FANCI: variants seen among roughly 807,000 people sequenced by gnomAD.
FANCI encodes the protein FA complementation group I, also known as Fanconi anemia group I protein.
In FANCI, 156 loss-of-function variants were observed where a neutral mutation model predicts 176.1. That is an observed-to-expected ratio of 0.89 (90% CI 0.78 to 1.01). The LOEUF (loss-of-function observed/expected upper bound fraction) is 1.01. FANCI is among the 50% of genes least tolerant of loss of function. The pLI, the probability that FANCI is intolerant of heterozygous loss-of-function variation, is 0.00. For missense variants in FANCI, 1,678 were observed against 1,534.1 expected, an observed-to-expected ratio of 1.09 and a Z score of -1.57; for synonymous variants, 613 against 541.7, an observed-to-expected ratio of 1.13 and a Z score of -1.83.
At chr15:89,286,567 G>A (rs1432492218) in intron 18 of FANCI, among the ~76,000 whole-genome samples, 1 of 151,840 alleles carries the variant, frequency 6.6e-6, no homozygotes, top group East Asian at 1.9e-4. Context: ...TTTTTTTTCT[G>A]AGCAGTAGGT....
At chr15:89,249,347 G>T (rs1344398940) in intron 2 of FANCI, among the ~76,000 whole-genome samples, 1 of 152,158 alleles carries the variant, frequency 6.6e-6, no homozygotes, top group Non-Finnish European at 1.5e-5. Flanking sequence ...ACTTAATACA[G>T]TATTTAACTT....
At position 89,316,951 on chromosome 15, in the gene FANCI, G is replaced by A. The variant is rs186201462; in HGVS notation, c.*492G>A. On this transcript the variant is annotated 3_prime_UTR_variant, in exon 38 of 38. Coordinates refer to ENST00000310775, the MANE Select transcript of FANCI (RefSeq NM_001113378.2). ...GTGAAAGGTTGAGAACAATTGCCAC[G>A]AACGGTAATGTTACATGTTAGGAGG... The A allele has an allele frequency of 3.9e-5, 29 of 752,978 alleles. No homozygotes were observed. The highest frequency in any genetic ancestry group is 1.5e-4 in the Admixed American group (8 of 52,056). The allele number at this position is 752,978 out of a possible 1,614,324, so 46.6% of individuals were successfully genotyped here.
At chr15:89,280,142 C>G (rs2053561845) in intron 14 of FANCI, among the ~76,000 whole-genome samples, 1 of 152,192 alleles carries the variant, frequency 6.6e-6, no homozygotes. Context: ...CTGCCTCAGC[C>G]TTGAGAGTAG....
chr15:89,274,849 C>T (rs2053348312), intron 12 of FANCI, among the ~76,000 whole-genome samples: 2 of 151,966 alleles, frequency 1.3e-5, no homozygotes, highest in East Asian at 1.9e-4. Context: ...AAGCAATCCA[C>T]CTGCCTTGGC....
chr15:89,286,282 C>T lies in FANCI; in HGVS notation c.1821+1064C>T, dbSNP rs77046751. Among the ~76,000 whole-genome samples, 669 of 152,286 alleles carry T rather than the reference C, an allele frequency of 4.4e-3. 9 individuals carry two copies. Among genetic ancestry groups the T allele is most frequent in the African/African-American group, 0.015 (639 of 41,556 alleles). On this transcript the variant is annotated intron_variant, in intron 18 of 37. Coordinates refer to ENST00000310775, the MANE Select transcript of FANCI (RefSeq NM_001113378.2). ...TATTGGGATTACAGGCGTGAGCCAC[C>T]ATGCCTGGCCTAACTTAGTTTTTAT...
At chr15:89,247,570 C>A in intron 1 of FANCI, 59 bp from the exon 2 acceptor site, 1 of 1,236,636 alleles carries the variant, frequency 8.1e-7, no homozygotes, top group Non-Finnish European at 1.2e-6. Context: ...GGAAGGAAAA[C>A]AAATCAAGTT....
chr15:89,248,102 G>C (rs541225729), intron 2 of FANCI, among the ~76,000 whole-genome samples: 2 of 152,090 alleles, frequency 1.3e-5, no homozygotes, highest in Non-Finnish European at 2.9e-5. Context: ...ATGCTTCTCT[G>C]TATTTTTCCG....
chr15:89,254,205 A>G (rs967188297), intron 2 of FANCI, among the ~76,000 whole-genome samples: 1 of 152,134 alleles, frequency 6.6e-6, no homozygotes, highest in Non-Finnish European at 1.5e-5. Context: ...AAAAAAATAA[A>G]TAAATAAATT....
At chr15:89,294,440 C>T (rs1405059324) in intron 23 of FANCI, among the ~76,000 whole-genome samples, 1 of 152,052 alleles carries the variant, frequency 6.6e-6, no homozygotes, top group Non-Finnish European at 1.5e-5. Flanking sequence ...ACAAAATTAG[C>T]CGGGCATGGT....
Position 89,278,714 on chromosome 15 carries a change from T to C in FANCI, c.1321T>C (p.Leu441=), listed in dbSNP as rs139802132. 1.9e-6 allele frequency: 3 copies of C among 1,613,958 alleles called. No homozygotes were observed. Among genetic ancestry groups the C allele is most frequent in the South Asian group, 2.2e-5 (2 of 91,078 alleles). Residue 441 remains leucine, a synonymous_variant, in exon 14 of 38, where the codon TTG becomes CTG. Coordinates refer to ENST00000310775, the MANE Select transcript of FANCI (RefSeq NM_001113378.2). Reference sequence around the variant, plus strand: ...CCATGAGATGATCAGACAAGAAATTTTGGAGCAGGTCCTCAACAGGGTTGT... The same window carrying C: ...CCATGAGATGATCAGACAAGAAATTCTGGAGCAGGTCCTCAACAGGGTTGT... ...KIHEMIRQEI[L]EQVLNRVVTR...
rs1315760080 is a variant in FANCI at position 89,293,068 on chromosome 15, G to A, written c.2291+5G>A. On this transcript the variant is annotated splice_donor_5th_base_variant and intron_variant, in intron 22 of 37. Coordinates refer to ENST00000310775, the MANE Select transcript of FANCI (RefSeq NM_001113378.2). ...TTTCTCCATAAGTAGTTTCAGGTAA[G>A]GTTTTGCTATAACTCCATTTGTAAT... 5 of 1,612,762 alleles carry A rather than the reference G, an allele frequency of 3.1e-6. No individual in the cohort carries two copies. In the South Asian group the frequency reaches 5.5e-5, roughly 18 times the overall value.
At position 89,301,454 on chromosome 15, in the gene FANCI, G is replaced by A. The variant is rs777765422; in HGVS notation, c.3006+12G>A. The A allele has an allele frequency of 6.5e-6, 10 of 1,547,200 alleles. No individual in the cohort carries two copies. Among genetic ancestry groups the A allele is most frequent in the South Asian group, 1.1e-5 (1 of 89,818 alleles). On this transcript the variant is annotated intron_variant, in intron 27 of 37. Coordinates refer to ENST00000310775, the MANE Select transcript of FANCI (RefSeq NM_001113378.2). ...CCTCCTCTCCTCAGGTACTAGTACC[G>A]CTAACTTAATCCCATTTAGCATTCC...
rs2054464932 is a variant in FANCI, at chr15:89,299,929, C to G, written c.2766C>G (p.Phe922Leu). ...AAATATTCAGTGCTGTGCAACAGTT[C>G]TATCAGCCCAAGATTCAGCAGTTTC... The part of the protein sequence containing the change: ...LQKIFSAVQQ[F>L]YQPKIQQFLR... Residue 922 changes from phenylalanine (F) to leucine (L), a missense_variant, in exon 25 of 38, where the codon TTC becomes TTG. Transcript: ENST00000310775. 2 of 1,614,036 alleles carry G rather than the reference C, an allele frequency of 1.2e-6. No individual in the cohort carries two copies. The highest frequency in any genetic ancestry group is 1.7e-6 in the Non-Finnish European group (2 of 1,179,968).
intron 6 of FANCI, among the ~76,000 whole-genome samples, chr15:89,262,183 A>G (rs1007417102): frequency 1.1e-4 from 17 of 152,152 alleles, no homozygotes; most frequent in African/African-American, 4.1e-4. Flanking sequence ...TCTAAGCATT[A>G]TTGGAGTCTC....
intron 34 of FANCI, among the ~76,000 whole-genome samples, chr15:89,308,901 G>A (rs1235030058): frequency 6.6e-6 from 1 of 150,768 alleles, no homozygotes; most frequent in Non-Finnish European, 1.5e-5. Context: ...AGCAAAGATC[G>A]CACTGTTGTG....
At chr15:89,310,873 C>G (rs927028025) in intron 34 of FANCI, among the ~76,000 whole-genome samples, 1 of 152,178 alleles carries the variant, frequency 6.6e-6, no homozygotes, top group Non-Finnish European at 1.5e-5. Context: ...GCCTGTAATC[C>G]CAGCACTTTG....
chr15:89,314,559 A>G, intron 35 of FANCI, 53 bp from the exon 36 acceptor site: 1 of 1,375,114 alleles, frequency 7.3e-7, no homozygotes, highest in Non-Finnish European at 1.0e-6. Flanking sequence ...TTCAGAGGAA[A>G]ACTTCAAAAA....
chr15:89,249,955 A>G (rs2052166278), intron 2 of FANCI, among the ~76,000 whole-genome samples: 1 of 152,260 alleles, frequency 6.6e-6, no homozygotes, highest in Non-Finnish European at 1.5e-5. Context: ...CACATGTCAT[A>G]TACTAGAGCA....
chr15:89,293,724 A>G, intron 22 of FANCI, 109 bp from the exon 23 acceptor site: 2 of 1,055,214 alleles, frequency 1.9e-6, no homozygotes, highest in East Asian at 2.4e-5. Context: ...TTATAATGTT[A>G]CGTCTAAAAT....
Sources: allele counts gnomAD v4.1 joint callset (sites outside exome capture counted in the v4.1 genomes callset), GRCh38; gene constraint gnomAD v4.1.1; transcripts MANE v1.5; gene names NCBI Gene and HGNC (gene_info 2026-07-23, HGNC 2026-07-21).